NKAIN3: variants seen among roughly 807,000 people sequenced by gnomAD.
NKAIN3 encodes the protein sodium/potassium transporting ATPase interacting 3.
NKAIN3 carries 25 observed loss-of-function variants against 30.2 expected under a neutral mutation model. The observed-to-expected ratio is 0.83, with a 90% confidence interval of 0.60 to 1.16. NKAIN3 has a LOEUF of 1.16. Ranked by LOEUF, NKAIN3 falls within the 50% of genes most tolerant of loss-of-function variation. NKAIN3 has a pLI of 0.00. For synonymous variants in NKAIN3, 91 were observed against 89.6 expected (o/e 1.02, Z -0.09); for missense variants, 225 against 254.1 (o/e 0.89, Z 0.78).
intron 2 of NKAIN3, among the ~76,000 whole-genome samples, chr8:62,583,320 G>A (rs1458112868): frequency 1.3e-5 from 2 of 152,160 alleles, no homozygotes; most frequent in East Asian, 1.9e-4. Flanking sequence ...AGGTCTTTCA[G>A]AATCTTCAAA....
chr8:62,447,528 A>G (rs1805522597), intron 1 of NKAIN3, among the ~76,000 whole-genome samples: 1 of 152,040 alleles, frequency 6.6e-6, no homozygotes, highest in South Asian at 2.1e-4. Flanking sequence ...GTCAGTAATT[A>G]TCTCAGATTC....
chr8:62,945,099 G>A lies in NKAIN3; in HGVS notation c.533-8803G>A, dbSNP rs146985173. Among the ~76,000 whole-genome samples, 35 of 152,264 alleles carry A rather than the reference G, an allele frequency of 2.3e-4. No homozygotes were observed. The East Asian group carries it at 6.4e-3, about 28-fold the overall frequency. ...GCAGGGAGCAAAACATATAAGAGCA[G>A]ACAAAAATTTTTCCCTTATAAAGTT... On this transcript the variant is annotated intron_variant, in intron 5 of 6. Transcript: ENST00000623646.
chr8:62,523,876 A>G (rs1271137633), intron 1 of NKAIN3, among the ~76,000 whole-genome samples: 2 of 152,136 alleles, frequency 1.3e-5, no homozygotes, highest in Admixed American at 1.3e-4. Flanking sequence ...CTGTGATGCC[A>G]GTAGCACTAC....
At chr8:62,594,389 G>A (rs1279578769) in intron 3 of NKAIN3, among the ~76,000 whole-genome samples, 1 of 151,988 alleles carries the variant, frequency 6.6e-6, no homozygotes, top group East Asian at 1.9e-4. Flanking sequence ...GACTCCACAC[G>A]GTGAATTGTT....
At chr8:62,389,398 G>C (rs781260218) in intron 1 of NKAIN3, among the ~76,000 whole-genome samples, 1 of 152,054 alleles carries the variant, frequency 6.6e-6, no homozygotes, top group Non-Finnish European at 1.5e-5. Context: ...AGCAAAGGAG[G>C]TGCTGGAAGA....
At position 62,966,325 on chromosome 8, in the gene NKAIN3, G is replaced by C; in HGVS notation, c.*918G>C. 1 of 984,386 alleles carries C rather than the reference G, an allele frequency of 1.0e-6. No individual in the cohort carries two copies. The highest frequency in any genetic ancestry group is 5.2e-4 in the Middle Eastern group (1 of 1,914). The allele number at this position is 984,386 out of a possible 1,614,324, so 61.0% of individuals were successfully genotyped here. ...AGACATTCACGTGTGAGCAACATCA[G>C]CTTTTCTTTCTCCTACCCCTTCCCA... is the stretch of plus-strand genomic sequence containing the variant. On this transcript the variant is annotated 3_prime_UTR_variant, in exon 7 of 7. Transcript: ENST00000623646.
chr8:62,730,843 TTTAACTA>T (rs1815441108), intron 3 of NKAIN3, among the ~76,000 whole-genome samples: 1 of 152,216 alleles, frequency 6.6e-6, no homozygotes, highest in Non-Finnish European at 1.5e-5. Context: ...TAATAGCTGT[TTTAACTA>T]TTAACAATTG....
At chr8:62,454,323 A>AAAAAAAAAAAAAAAAAAAAAAT (rs1360909972) in intron 1 of NKAIN3, among the ~76,000 whole-genome samples, 4 of 145,100 alleles carry the variant, frequency 2.8e-5, no homozygotes, top group Non-Finnish European at 4.5e-5. Context: ...AAAAAAAAAA[A>AAAAAAAAAAAAAAAAAAAAAAT]TCTGAAAATC....
intron 3 of NKAIN3, among the ~76,000 whole-genome samples, chr8:62,708,102 G>T (rs1446958961): frequency 6.6e-6 from 1 of 152,074 alleles, no homozygotes; most frequent in East Asian, 1.9e-4. Flanking sequence ...TTTTATACTG[G>T]TACCATACTG....
intron 4 of NKAIN3, among the ~76,000 whole-genome samples, chr8:62,838,232 T>C (rs1819429379): frequency 6.6e-6 from 1 of 151,738 alleles, no homozygotes; most frequent in African/African-American, 2.4e-5. Flanking sequence ...TGGGGAGATA[T>C]ATTAACTCAT....
intron 1 of NKAIN3, among the ~76,000 whole-genome samples, chr8:62,350,013 C>T (rs927500974): frequency 6.6e-6 from 1 of 152,154 alleles, no homozygotes; most frequent in Non-Finnish European, 1.5e-5. Flanking sequence ...AACTCTTGTG[C>T]ATAGCTGATG....
intron 1 of NKAIN3, among the ~76,000 whole-genome samples, chr8:62,563,596 A>T (rs1373590782): frequency 6.6e-6 from 1 of 152,166 alleles, no homozygotes; most frequent in Non-Finnish European, 1.5e-5. Context: ...TATTTCAAAT[A>T]CTTAGTTATG....
chr8:62,767,741 G>T (rs951433826), intron 4 of NKAIN3, among the ~76,000 whole-genome samples: 2 of 151,848 alleles, frequency 1.3e-5, no homozygotes, highest in African/African-American at 2.4e-5. Context: ...CTACAGCTGT[G>T]CTGTCCAATG....
intron 4 of NKAIN3, among the ~76,000 whole-genome samples, chr8:62,821,303 C>A (rs1818841428): frequency 6.6e-6 from 1 of 152,106 alleles, no homozygotes; most frequent in South Asian, 2.1e-4. Flanking sequence ...GCTTATTTGT[C>A]TGTTTCCTCT....
intron 4 of NKAIN3, among the ~76,000 whole-genome samples, chr8:62,754,862 A>T (rs111401644): frequency 6.6e-6 from 1 of 152,348 alleles, no homozygotes; most frequent in East Asian, 1.9e-4. Flanking sequence ...GTCAGAGTAG[A>T]CAATACTACT....
chr8:62,492,908 A>G (rs1807117584), intron 1 of NKAIN3, among the ~76,000 whole-genome samples: 1 of 152,060 alleles, frequency 6.6e-6, no homozygotes. Context: ...TTTTCTCTGC[A>G]ATTTGTTTGA....
chr8:62,697,113 A>G (rs562759132), intron 3 of NKAIN3, among the ~76,000 whole-genome samples: 6 of 152,222 alleles, frequency 3.9e-5, no homozygotes, highest in Admixed American at 1.3e-4. Flanking sequence ...CTTTAAAAAC[A>G]TAGGTCAGAC....
intron 3 of NKAIN3, among the ~76,000 whole-genome samples, chr8:62,622,735 C>T (rs1811655880): frequency 6.6e-6 from 1 of 151,842 alleles, no homozygotes; most frequent in Non-Finnish European, 1.5e-5. Flanking sequence ...TTTTTTCATC[C>T]TCTTAACAGG....
intron 2 of NKAIN3, among the ~76,000 whole-genome samples, chr8:62,589,158 T>C (rs1007820165): frequency 1.3e-5 from 2 of 151,850 alleles, no homozygotes; most frequent in Non-Finnish European, 2.9e-5. Context: ...TATTTATTAA[T>C]TTCTCTGCTT....
Sources: allele counts gnomAD v4.1 joint callset (sites outside exome capture counted in the v4.1 genomes callset), GRCh38; gene constraint gnomAD v4.1.1; transcripts MANE v1.5; gene names NCBI Gene and HGNC (gene_info 2026-07-23, HGNC 2026-07-21).